The following ADGRF5 variants were observed in gnomAD, a reference collection of about 807,000 sequenced individuals.
The protein encoded by ADGRF5 is adhesion G protein-coupled receptor F5, also known as G-protein coupled receptor 116.
ADGRF5 carries 75 observed loss-of-function variants against 132.3 expected under a neutral mutation model. The observed-to-expected ratio is 0.57, with a 90% confidence interval of 0.47 to 0.69. The LOEUF is 0.69. ADGRF5 is among the 30% of genes least tolerant of loss of function. ADGRF5 has a pLI of 0.00. For missense variants in ADGRF5, 1,516 were observed against 1,630.6 expected (o/e 0.93, Z 1.21); for synonymous variants, 629 against 597.6 (o/e 1.05, Z -0.77).
At chr6:46,869,300 A>G in intron 11 of ADGRF5, 1 of 1,411,862 alleles carries the variant, frequency 7.1e-7, no homozygotes, top group Middle Eastern at 2.6e-4. Context: ...GGTGCTCTGC[A>G]CTGTACTCAT....
chr6:46,953,649 G>GTATATATA lies in ADGRF5; in HGVS notation c.-25+1084_-25+1085insTATATATA, dbSNP rs1408461844. Among the ~76,000 whole-genome samples the GTATATATA allele has an allele frequency of 2.4e-3, 219 of 91,442 alleles. 12 individuals carry two copies. The highest frequency in any genetic ancestry group is 9.6e-3 in the African/African-American group (209 of 21,758). 60.0% of individuals were successfully genotyped at this position (91,442 alleles called of 152,430 possible). A position where few individuals can be genotyped will look rare whatever the true frequency, so the allele number is the denominator to read the frequency against. On this transcript the variant is annotated intron_variant, in intron 1 of 20. Transcript: ENST00000265417. ...AAAAATTATATATATATAGATATAT[G>GTATATATA]TGTATATATATATATATATATATAT...
In ADGRF5 at chr6:46,888,458, T is replaced by C. The variant is rs776801987; in HGVS notation, c.205A>G (p.Ile69Val). The change falls in exon 4 of 21, where the codon ATC becomes GTC. Residue 69 changes from isoleucine to valine, a missense_variant. By Grantham distance (29) the Ile-to-Val change is conservative. Transcript: ENST00000283296. ...TAEEYTVNIEISFENASFLDP... is the reference protein window; with the variant it reads ...TAEEYTVNIEVSFENASFLDP... ...AGGAAGGATGCATTTTCAAAACTGA[T>C]CTCAATATTAACAGTGTATTCTTCA... 2.5e-6 allele frequency: 4 copies of C among 1,613,120 alleles called. No individual in the cohort carries two copies. The highest frequency in any genetic ancestry group is 3.4e-6 in the Non-Finnish European group (4 of 1,179,216).
chr6:46,895,809 C>G (rs546588998), intron 3 of ADGRF5, among the ~76,000 whole-genome samples: 2 of 151,822 alleles, frequency 1.3e-5, no homozygotes, highest in South Asian at 4.2e-4. Context: ...TAAGAAACAT[C>G]CACTTTCATT....
intron 11 of ADGRF5, 88 bp from the exon 12 acceptor site, chr6:46,869,180 T>C (rs1287670475): frequency 1.3e-6 from 2 of 1,532,950 alleles, no homozygotes; most frequent in Admixed American, 2.0e-5. Context: ...TGACTGAAAC[T>C]TCAGAGAGGG....
At chr6:46,860,508 T>C (rs764129895) in intron 16 of ADGRF5, among the ~76,000 whole-genome samples, 1 of 152,194 alleles carries the variant, frequency 6.6e-6, no homozygotes, top group Non-Finnish European at 1.5e-5. Flanking sequence ...AAAGCAGAGA[T>C]TCACTAATAA....
chr6:46,880,356 T>A (rs202004611), intron 8 of ADGRF5, among the ~76,000 whole-genome samples: 9 of 46,554 alleles, frequency 1.9e-4, no homozygotes, highest in East Asian at 1.9e-3. Flanking sequence ...CACATTTTTT[T>A]ATAAAAAAAA....
At position 46,859,143 on chromosome 6, in the gene ADGRF5, C is replaced by G; in HGVS notation, c.2760G>C (p.Glu920Asp). 10 of 1,614,076 alleles carry G rather than the reference C, an allele frequency of 6.2e-6. No homozygotes were observed. Among genetic ancestry groups the G allele is most frequent in the Non-Finnish European group, 7.6e-6 (9 of 1,179,956 alleles). Reference protein sequence around the residue: ...AQDIQENNFAESLVMTTTVSH... With the variant: ...AQDIQENNFADSLVMTTTVSH... Reference sequence around the variant, plus strand: ...TGACAGTGGTTGTCATCACTAAGCTCTCTGCAAAGTTATTTTCCTGGATAT... The same window carrying G: ...TGACAGTGGTTGTCATCACTAAGCTGTCTGCAAAGTTATTTTCCTGGATAT... Residue 920 changes from glutamate to aspartate, a missense_variant, in exon 17 of 21, where the codon GAG becomes GAC. This residue lies in a region of ADGRF5 where 571 missense variants were observed against 701.2 expected (regional missense o/e 0.81). Coordinates refer to ENST00000283296, the MANE Select transcript of ADGRF5 (RefSeq NM_001098518.2).
chr6:46,883,240 T>C (rs1772677140), intron 6 of ADGRF5, among the ~76,000 whole-genome samples: 2 of 152,194 alleles, frequency 1.3e-5, no homozygotes, highest in Admixed American at 1.3e-4. Flanking sequence ...ATATGAATAA[T>C]AGAAATGCAC....
chr6:46,869,334 C>T (rs562517635), intron 11 of ADGRF5: 4 of 985,294 alleles, frequency 4.1e-6, no homozygotes, highest in East Asian at 1.1e-4. Flanking sequence ...CTTAGGACCT[C>T]GTGCACTTCA....
rs201325605 is a variant in ADGRF5, at chr6:46,872,027, C to A, written c.1241-14G>T. 38 of 1,564,974 alleles carry A rather than the reference C, an allele frequency of 2.4e-5. No individual in the cohort carries two copies. The highest frequency in any genetic ancestry group is 1.7e-4 in the Middle Eastern group (1 of 5,878). On this transcript the variant is annotated splice_polypyrimidine_tract_variant and intron_variant, in intron 10 of 20. Coordinates refer to ENST00000283296, the MANE Select transcript of ADGRF5 (RefSeq NM_001098518.2). ...TCTCAGGGGTTCCTATAATGAGAAGCAAATTGTTGCCATCCCAGCTGGCTA... is the reference window on the plus strand; with the variant it reads ...TCTCAGGGGTTCCTATAATGAGAAGAAAATTGTTGCCATCCCAGCTGGCTA...
chr6:46,888,371 G>C lies in ADGRF5; in HGVS notation c.292C>G (p.Gln98Glu), dbSNP rs1773270073. The C allele has an allele frequency of 6.2e-7, 1 of 1,610,842 alleles. No homozygotes were observed. Among genetic ancestry groups the C allele is most frequent in the Admixed American group, 1.7e-5 (1 of 59,966 alleles). Reference sequence around the variant, plus strand: ...TTTATGCTCAAAATGTCGGTAATTTGGTCAGTGTTATTCCCATGAATTGGA... The same window carrying C: ...TTTATGCTCAAAATGTCGGTAATTTCGTCAGTGTTATTCCCATGAATTGGA... Reference protein sequence around the residue: ...SFPIHGNNTDQITDILSINVT... With the variant: ...SFPIHGNNTDEITDILSINVT... Residue 98 changes from glutamine to glutamate, a missense_variant, in exon 4 of 21, where the codon CAA becomes GAA. Physicochemically the swap from Gln to Glu is conservative, Grantham distance 29. Transcript: ENST00000283296.
Position 46,878,311 on chromosome 6 carries a change from T to G in ADGRF5, c.1131A>C (p.Glu377Asp). 1 of 1,613,616 alleles carries G rather than the reference T, an allele frequency of 6.2e-7. No individual in the cohort carries two copies. The highest frequency in any genetic ancestry group is 1.1e-5 in the South Asian group (1 of 91,074). The change falls in exon 10 of 21, where the codon GAA (glutamate) becomes GAC (aspartate). Residue 377 changes from glutamate to aspartate, a missense_variant. Around this residue, in one of 2 missense-constraint regions of ADGRF5, gnomAD observed 945 missense variants for 929.4 expected, o/e 1.02. Coordinates refer to ENST00000283296, the MANE Select transcript of ADGRF5 (RefSeq NM_001098518.2). Reference protein sequence around the residue: ...VMPIQILANEEMKVMCDNNPV... With the variant: ...VMPIQILANEDMKVMCDNNPV... ...GATTGTTGTCGCACATCACCTTCAT[T>G]TCTTCATTTGCCAAAATTTGGATGG...
chr6:46,878,658 A>G (rs1000157824), intron 9 of ADGRF5, among the ~76,000 whole-genome samples: 1 of 152,222 alleles, frequency 6.6e-6, no homozygotes, highest in African/African-American at 2.4e-5. Flanking sequence ...TAATAAGAAA[A>G]AAAGTATAAC....
At chr6:46,903,243 C>G (rs1317173872) in intron 2 of ADGRF5, among the ~76,000 whole-genome samples, 2 of 152,110 alleles carry the variant, frequency 1.3e-5, no homozygotes, top group Non-Finnish European at 2.9e-5. Flanking sequence ...GCTCCCAGTG[C>G]TCGGCAGTGT....
chr6:46,872,048 G>A (rs1229596543), intron 10 of ADGRF5, 35 bp from the exon 11 acceptor site: 2 of 1,505,442 alleles, frequency 1.3e-6, no homozygotes, highest in Non-Finnish European at 9.1e-7. Flanking sequence ...CATCCCAGCT[G>A]GCTAACTCTT....
intron 10 of ADGRF5, among the ~76,000 whole-genome samples, 170 bp from the exon 11 acceptor site, chr6:46,872,183 G>C (rs1771147499): frequency 6.6e-6 from 1 of 152,072 alleles, no homozygotes; most frequent in Non-Finnish European, 1.5e-5. Context: ...CTGTATCCAG[G>C]TTGCCTGGCT....
At chr6:46,920,788 G>A (rs1037566340) in intron 1 of ADGRF5, among the ~76,000 whole-genome samples, 3 of 152,008 alleles carry the variant, frequency 2.0e-5, no homozygotes, top group African/African-American at 4.8e-5. Flanking sequence ...GTTTGAACCC[G>A]GGAGGCAGAG....
At chr6:46,952,322 A>G (rs889718515) in intron 1 of ADGRF5, among the ~76,000 whole-genome samples, 1 of 152,220 alleles carries the variant, frequency 6.6e-6, no homozygotes, top group Non-Finnish European at 1.5e-5. Context: ...GACAAAAAGT[A>G]AGTCCTCCAG....
intron 9 of ADGRF5, among the ~76,000 whole-genome samples, chr6:46,879,034 C>A (rs114319635): frequency 6.6e-6 from 1 of 152,100 alleles, no homozygotes; most frequent in Non-Finnish European, 1.5e-5. Context: ...GATACGTTCA[C>A]TCTCTTGATT....
Sources: gnomAD v4.1 joint callset for allele counts (sites outside exome capture counted in the v4.1 genomes callset) on GRCh38, gnomAD v4.1.1 for gene constraint, gnomAD v4.1.1 regional missense constraint, MANE v1.5 for transcripts, NCBI Gene and HGNC (gene_info 2026-07-23, HGNC 2026-07-21) for gene names.